Variants in CNTN3 observed in about 807,000 individuals in gnomAD.
The protein encoded by CNTN3 is contactin-3.
CNTN3 carries 60 observed loss-of-function variants against 119.1 expected under a neutral mutation model. That is an observed-to-expected ratio of 0.50 (90% CI 0.41 to 0.62). The LOEUF (loss-of-function observed/expected upper bound fraction) is 0.62. Ranked by LOEUF, CNTN3 falls within the 20% of genes least tolerant of loss-of-function variation. The pLI is 0.00. For synonymous variants in CNTN3, 450 were observed against 438.7 expected, an observed-to-expected ratio of 1.03 and a Z score of -0.32; for missense variants, 1,101 against 1,242.4, an observed-to-expected ratio of 0.89 and a Z score of 1.71.
intron 20 of CNTN3, among the ~76,000 whole-genome samples, chr3:74,283,780 A>G (rs959031084): frequency 2.0e-5 from 3 of 152,192 alleles, no homozygotes; most frequent in African/African-American, 7.2e-5. Flanking sequence ...GAGAAAACCA[A>G]ACATATTTAG....
intron 4 of CNTN3, among the ~76,000 whole-genome samples, chr3:74,457,048 T>G (rs1702282915): frequency 6.6e-6 from 1 of 152,076 alleles, no homozygotes; most frequent in Non-Finnish European, 1.5e-5. Flanking sequence ...TATTTTAAGA[T>G]TATTAAAATG....
intron 5 of CNTN3, among the ~76,000 whole-genome samples, chr3:74,392,804 A>T (rs1704948659): frequency 6.7e-6 from 1 of 149,868 alleles, no homozygotes; most frequent in African/African-American, 2.5e-5. Context: ...GACAGAGCTT[A>T]TTTTTTTTTT....
chr3:74,537,812 G>A (rs895536632), intron 1 of CNTN3, among the ~76,000 whole-genome samples: 1 of 152,088 alleles, frequency 6.6e-6, no homozygotes, highest in African/African-American at 2.4e-5. Context: ...ATTTCCCAGA[G>A]ATGGAGGGAT....
intron 2 of CNTN3, among the ~76,000 whole-genome samples, chr3:74,506,300 G>A (rs184103743): frequency 6.6e-6 from 1 of 152,260 alleles, no homozygotes; most frequent in Admixed American, 6.5e-5. Context: ...GAGGACTTGA[G>A]AGTACTTCTA....
At chr3:74,307,734 A>AT (rs1162595076) in intron 13 of CNTN3, among the ~76,000 whole-genome samples, 1 of 152,240 alleles carries the variant, frequency 6.6e-6, no homozygotes, top group Non-Finnish European at 1.5e-5. Flanking sequence ...AAGGTTTAAA[A>AT]TAAACTTCGG....
At chr3:74,598,085 GT>G (rs769817388) in intron 1 of CNTN3, among the ~76,000 whole-genome samples, 43 of 152,066 alleles carry the variant, frequency 2.8e-4, no homozygotes, top group Non-Finnish European at 6.0e-4. Flanking sequence ...CCCAGAAAGA[GT>G]AGAGTCTGTT....
intron 1 of CNTN3, among the ~76,000 whole-genome samples, chr3:74,581,708 T>G (rs1384300044): frequency 6.6e-6 from 1 of 152,136 alleles, no homozygotes. Context: ...TTACACTAAC[T>G]GATTTCTACC....
rs567518859 is a variant in CNTN3, at chr3:74,496,223, G to A, written c.182+3436C>T. Among the ~76,000 whole-genome samples, 8 of 152,156 alleles carry A rather than the reference G, an allele frequency of 5.3e-5. No homozygotes were observed. In the South Asian group the frequency reaches 8.3e-4, roughly 16 times the overall value. ...CCACATGGGCCACATTCAGACTTAC[G>A]ACTTACCTTTTTTGGTCTACATTAT... is the stretch of plus-strand genomic sequence containing the variant. On this transcript the variant is annotated intron_variant, in intron 3 of 22. Transcript: ENST00000263665.
At chr3:74,593,406 T>C (rs1487832976) in intron 1 of CNTN3, among the ~76,000 whole-genome samples, 2 of 151,936 alleles carry the variant, frequency 1.3e-5, no homozygotes, top group Non-Finnish European at 2.9e-5. Flanking sequence ...ACATAGAGGG[T>C]TGATAGAAGA....
chr3:74,376,150 T>C (rs1343886568), intron 5 of CNTN3, among the ~76,000 whole-genome samples: 1 of 152,208 alleles, frequency 6.6e-6, no homozygotes, highest in Admixed American at 6.5e-5. Flanking sequence ...AAAGCCCTGC[T>C]GACACCTTGA....
At chr3:74,590,530 A>C (rs1045231828) in intron 1 of CNTN3, among the ~76,000 whole-genome samples, 1 of 151,968 alleles carries the variant, frequency 6.6e-6, no homozygotes, top group Admixed American at 6.6e-5. Context: ...CAGCTCTTGG[A>C]GCTCCTATCA....
chr3:74,313,000 A>C lies in CNTN3; in HGVS notation c.1669-10193T>G, dbSNP rs1340909285. ...AGACATTCTAAGAACCAAAAACAAA[A>C]AAAAAAAGGTTAGAGATTGAAAACA... is the stretch of plus-strand genomic sequence containing the variant. On this transcript the variant is annotated intron_variant, in intron 13 of 22. Coordinates refer to ENST00000263665, the MANE Select transcript of CNTN3 (RefSeq NM_020872.3). Among the ~76,000 whole-genome samples, 3 of 152,140 alleles carry C rather than the reference A, an allele frequency of 2.0e-5. No homozygotes were observed. The East Asian group carries it at 5.8e-4, about 29-fold the overall frequency.
At chr3:74,376,584 AC>A (rs1704480312) in intron 5 of CNTN3, among the ~76,000 whole-genome samples, 2 of 152,174 alleles carry the variant, frequency 1.3e-5, no homozygotes, top group South Asian at 4.1e-4. Context: ...CAGTGATTCT[AC>A]ATTACAGTGA....
chr3:74,352,502 A>G (rs553795736), intron 11 of CNTN3, among the ~76,000 whole-genome samples: 48 of 152,286 alleles, frequency 3.2e-4, no homozygotes, highest in Admixed American at 1.5e-3. Context: ...AGTTTGTTGA[A>G]TAACTTCCAT....
chr3:74,404,120 A>G (rs962460725), intron 5 of CNTN3, among the ~76,000 whole-genome samples: 8 of 152,210 alleles, frequency 5.3e-5, no homozygotes, highest in Middle Eastern at 3.4e-3. Context: ...CTCTCCCCCA[A>G]TACAATACTT....
intron 19 of CNTN3, among the ~76,000 whole-genome samples, chr3:74,290,649 A>G (rs1702209841): frequency 6.6e-6 from 1 of 152,206 alleles, no homozygotes; most frequent in African/African-American, 2.4e-5. Context: ...GTGAGTGTGC[A>G]TGTCAGTCTC....
chr3:74,313,272 G>A (rs769616414), intron 13 of CNTN3, among the ~76,000 whole-genome samples: 1 of 152,070 alleles, frequency 6.6e-6, no homozygotes, highest in Non-Finnish European at 1.5e-5. Flanking sequence ...AAGCAATGGT[G>A]ACTAAGAGTT....
chr3:74,408,765 T>C (rs1701387733), intron 5 of CNTN3, among the ~76,000 whole-genome samples: 1 of 152,122 alleles, frequency 6.6e-6, no homozygotes, highest in Admixed American at 6.6e-5. Flanking sequence ...CTACAGGAGG[T>C]GCTCTTGCAT....
chr3:74,594,272 TCTTTTTTTTTTTTTTTTTA>T (rs1262819603), intron 1 of CNTN3, among the ~76,000 whole-genome samples: 1 of 138,972 alleles, frequency 7.2e-6, no homozygotes, highest in African/African-American at 3.1e-5. Context: ...TTTCTTTTTT[TCTTTTTTTTTTTTTTTTTA>T]CTTTTTTTTT....
Sources: allele counts gnomAD v4.1 joint callset (sites outside exome capture counted in the v4.1 genomes callset), GRCh38; gene constraint gnomAD v4.1.1; transcripts MANE v1.5; gene names NCBI Gene and HGNC (gene_info 2026-07-23, HGNC 2026-07-21).